DENND5A: variants seen among roughly 807,000 people sequenced by gnomAD.
DENND5A encodes the protein DENN domain-containing protein 5A.
In DENND5A, 64 loss-of-function variants were observed where a neutral mutation model predicts 140.3. The observed-to-expected ratio is 0.46, with a 90% confidence interval of 0.37 to 0.56. The LOEUF is 0.56. Among genes scored for constraint, DENND5A ranks in the 20% least tolerant of loss-of-function variants. DENND5A has a pLI of 0.00. For synonymous variants in DENND5A, 605 were observed against 607.7 expected, an observed-to-expected ratio of 1.00 and a Z score of 0.07; for missense variants, 1,292 against 1,593.8, an observed-to-expected ratio of 0.81 and a Z score of 3.22.
intron 19 of DENND5A, among the ~76,000 whole-genome samples, chr11:9,143,763 G>C (rs1847327009): frequency 6.6e-6 from 1 of 152,244 alleles, no homozygotes; most frequent in African/African-American, 2.4e-5. Context: ...AACCAAAAGA[G>C]AGCCAAGCCT....
At chr11:9,233,583 T>C (rs921599103) in intron 1 of DENND5A, among the ~76,000 whole-genome samples, 14 of 151,928 alleles carry the variant, frequency 9.2e-5, no homozygotes, top group African/African-American at 2.9e-4. Flanking sequence ...CCTGGAGTAG[T>C]TGAGTGTACC....
chr11:9,152,255 A>G, intron 13 of DENND5A, 103 bp downstream of exon 13: 1 of 896,988 alleles, frequency 1.1e-6, no homozygotes, highest in South Asian at 1.3e-5. Context: ...ATTCCAGAGC[A>G]AAAGCTTCTT....
chr11:9,161,240 C>T (rs1342252566), intron 11 of DENND5A, among the ~76,000 whole-genome samples: 2 of 152,070 alleles, frequency 1.3e-5, no homozygotes, highest in African/African-American at 4.8e-5. Flanking sequence ...CCCAGCTACT[C>T]AGGAGGCTGA....
chr11:9,169,776 C>T, intron 10 of DENND5A, 80 bp downstream of exon 10: 1 of 937,536 alleles, frequency 1.1e-6, no homozygotes, highest in Non-Finnish European at 1.7e-6. Flanking sequence ...TTGAATCAGA[C>T]CAGAGAACAG....
At chr11:9,178,049 A>G (rs1848602775) in intron 8 of DENND5A, 83 bp downstream of exon 8, 1 of 958,472 alleles carries the variant, frequency 1.0e-6, no homozygotes. Context: ...GAAACAGATA[A>G]AGAGGCTGGC....
At chr11:9,141,056 G>A (rs143122748) in intron 22 of DENND5A, among the ~76,000 whole-genome samples, 3,503 of 151,628 alleles carry the variant, frequency 0.023, 152 homozygotes, top group African/African-American at 0.081. Flanking sequence ...AACCCAGGAG[G>A]CGGAGGTTGT....
At chr11:9,142,170 C>G in intron 21 of DENND5A, 62 bp from the exon 22 acceptor site, 3 of 1,422,324 alleles carry the variant, frequency 2.1e-6, no homozygotes, top group Non-Finnish European at 2.8e-6. Flanking sequence ...GACGGTCCTA[C>G]AGGCCACTTG....
chr11:9,232,302 T>C (rs1192241622), intron 1 of DENND5A, among the ~76,000 whole-genome samples: 1 of 151,800 alleles, frequency 6.6e-6, no homozygotes, highest in Non-Finnish European at 1.5e-5. Flanking sequence ...ACGCACAGAT[T>C]ACAAGAATAT....
At chr11:9,244,885 G>A (rs879449601) in intron 1 of DENND5A, among the ~76,000 whole-genome samples, 3 of 151,544 alleles carry the variant, frequency 2.0e-5, no homozygotes, top group Non-Finnish European at 4.4e-5. Context: ...CCGTGTTGCC[G>A]GGGCTGGTCT....
intron 5 of DENND5A, among the ~76,000 whole-genome samples, chr11:9,190,973 A>G (rs1229275068): frequency 2.0e-5 from 3 of 152,178 alleles, no homozygotes; most frequent in African/African-American, 7.2e-5. Flanking sequence ...ATCCAGCTAT[A>G]TAACTGCTCC....
chr11:9,229,346 G>A (rs1850665836), intron 1 of DENND5A, among the ~76,000 whole-genome samples: 1 of 151,876 alleles, frequency 6.6e-6, no homozygotes, highest in Admixed American at 6.6e-5. Flanking sequence ...ATGGTATTGA[G>A]GCTCAAAAAA....
chr11:9,242,076 C>G (rs951445605), intron 1 of DENND5A, among the ~76,000 whole-genome samples: 8 of 151,686 alleles, frequency 5.3e-5, no homozygotes, highest in Middle Eastern at 3.4e-3. Context: ...CATTCCTGAT[C>G]CCATTAACCC....
In DENND5A at chr11:9,147,026, T is replaced by C; in HGVS notation, c.2857+4A>G. 6.2e-7 allele frequency: 1 copy of C among 1,614,184 alleles called. No individual in the cohort carries two copies. The highest frequency in any genetic ancestry group is 8.5e-7 in the Non-Finnish European group (1 of 1,180,008). On this transcript the variant is annotated splice_donor_region_variant and intron_variant, in intron 16 of 22. Transcript: ENST00000328194. ...AGGCCAGCTGGGAGCACAGGGCTAC[T>C]CACGGATAGTTGTGAAGACATTGGT...
At chr11:9,248,352 G>A (rs1172041875) in intron 1 of DENND5A, among the ~76,000 whole-genome samples, 1 of 151,926 alleles carries the variant, frequency 6.6e-6, no homozygotes, top group Non-Finnish European at 1.5e-5. Context: ...ATTAATGGTG[G>A]TCATGACTTA....
rs1341977562 is a variant in DENND5A, at chr11:9,193,582, A to G, written c.1049T>C (p.Leu350Pro). The G allele has an allele frequency of 6.2e-7, 1 of 1,614,124 alleles. No homozygotes were observed. The highest frequency in any genetic ancestry group is 1.7e-5 in the Admixed American group (1 of 60,014). The change falls in exon 5 of 23, where the codon CTG becomes CCG. Residue 350 changes from leucine to proline, a missense_variant. Transcript: ENST00000328194. ...TGGAACAGGAGCATCTAAGAAATGCAGGAGAGAAGCTGGGAGAATAGGGAC... is the reference window on the plus strand; with the variant it reads ...TGGAACAGGAGCATCTAAGAAATGCGGGAGAGAAGCTGGGAGAATAGGGAC... The part of the protein sequence containing the change: ...VYVPILPASL[L>P]HFLDAPVPYL...
chr11:9,227,895 C>T (rs1398727554), intron 1 of DENND5A, among the ~76,000 whole-genome samples: 5 of 151,932 alleles, frequency 3.3e-5, no homozygotes, highest in Middle Eastern at 6.8e-3. Context: ...TGGCGAATCA[C>T]GAGGTCAGGG....
At chr11:9,176,819 T>C in intron 8 of DENND5A, 1 of 454,558 alleles carries the variant, frequency 2.2e-6, no homozygotes, top group East Asian at 7.0e-5. Flanking sequence ...CTTCATACTG[T>C]TCAGGGTAAC....
intron 10 of DENND5A, among the ~76,000 whole-genome samples, chr11:9,168,092 A>ATTTTTTTT (rs11285106): frequency 0.066 from 9,402 of 141,630 alleles, 391 homozygotes; most frequent in South Asian, 0.098. Flanking sequence ...AACCTCAGTG[A>ATTTTTTTT]TTTTTTTTTT....
rs1421651299 is a variant in DENND5A, at chr11:9,150,118, G to T, written c.2698C>A (p.His900Asn). ...TGGTCTGAGAGGAGCTGCTTCAGGTGTCTGGAAAGTAACTTTTTTTCCATG... is the reference window on the plus strand; with the variant it reads ...TGGTCTGAGAGGAGCTGCTTCAGGTTTCTGGAAAGTAACTTTTTTTCCATG... ...LSMEKKLLSR[H>N]LKQLLSDHEL... is the part of the protein sequence containing the mutation. Residue 900 changes from histidine to asparagine, a missense_variant, in exon 15 of 23, where the codon CAC (histidine) becomes AAC (asparagine). Transcript: ENST00000328194. 1.2e-6 allele frequency: 2 copies of T among 1,613,928 alleles called. No homozygotes were observed. The highest frequency in any genetic ancestry group is 8.5e-7 in the Non-Finnish European group (1 of 1,179,862).
Sources: gnomAD v4.1 joint callset for allele counts (sites outside exome capture counted in the v4.1 genomes callset) on GRCh38, gnomAD v4.1.1 for gene constraint, MANE v1.5 for transcripts, NCBI Gene and HGNC (gene_info 2026-07-23, HGNC 2026-07-21) for gene names.